The following ARHGAP15 variants were observed in gnomAD, a reference collection of about 807,000 sequenced individuals.
ARHGAP15 encodes the protein Rho GTPase activating protein 15.
ARHGAP15 carries 51 observed loss-of-function variants against 63.7 expected under a neutral mutation model. The observed-to-expected ratio is 0.80, with a 90% CI of 0.64 to 1.01. ARHGAP15 has a LOEUF of 1.01. Among genes scored for constraint, ARHGAP15 ranks in the 50% least tolerant of loss-of-function variants. The pLI, the probability that ARHGAP15 is intolerant of heterozygous loss-of-function variation, is 0.00. For missense variants in ARHGAP15, 560 were observed against 564.6 expected (o/e 0.99, Z 0.08); for synonymous variants, 191 against 193.8 (o/e 0.99, Z 0.12).
intron 13 of ARHGAP15, among the ~76,000 whole-genome samples, chr2:143,758,554 G>C (rs1229280399): frequency 6.6e-6 from 1 of 152,066 alleles, no homozygotes; most frequent in Non-Finnish European, 1.5e-5. Flanking sequence ...ATTCACAGGA[G>C]AGGAAACACA....
At chr2:143,292,003 A>G (rs1682423949) in intron 6 of ARHGAP15, among the ~76,000 whole-genome samples, 1 of 152,156 alleles carries the variant, frequency 6.6e-6, no homozygotes, top group Non-Finnish European at 1.5e-5. Context: ...TTGAAAAGCC[A>G]TAACTACCTC....
intron 5 of ARHGAP15, among the ~76,000 whole-genome samples, chr2:143,241,745 G>T (rs1211973461): frequency 2.0e-5 from 3 of 152,142 alleles, no homozygotes; most frequent in Non-Finnish European, 4.4e-5. Flanking sequence ...CAGCATCAGT[G>T]GTCTCAATCC....
intron 8 of ARHGAP15, among the ~76,000 whole-genome samples, chr2:143,439,766 T>A (rs549311443): frequency 6.6e-6 from 1 of 152,146 alleles, no homozygotes; most frequent in African/African-American, 2.4e-5. Flanking sequence ...CCTGTACTTT[T>A]AATCATTACA....
At chr2:143,446,079 T>A (rs563612075) in intron 8 of ARHGAP15, among the ~76,000 whole-genome samples, 2 of 151,106 alleles carry the variant, frequency 1.3e-5, no homozygotes, top group African/African-American at 2.4e-5. Context: ...CTCCAAGATA[T>A]ACAGCCATAT....
At chr2:143,250,390 A>G (rs183658534) in intron 5 of ARHGAP15, 121 bp from the exon 6 acceptor site, 4 of 643,826 alleles carry the variant, frequency 6.2e-6, no homozygotes, top group Admixed American at 3.6e-5. Flanking sequence ...TCCCCTGGGG[A>G]AAACAAAAAA....
chr2:143,716,670 C>G (rs2105452821), intron 13 of ARHGAP15, among the ~76,000 whole-genome samples: 1 of 152,288 alleles, frequency 6.6e-6, no homozygotes, highest in Non-Finnish European at 1.5e-5. Context: ...AGAAAAAAAT[C>G]AAGCAGACCT....
chr2:143,661,841 C>A (rs976394952), intron 12 of ARHGAP15, among the ~76,000 whole-genome samples: 1 of 152,152 alleles, frequency 6.6e-6, no homozygotes, highest in Non-Finnish European at 1.5e-5. Context: ...CACTCCCACC[C>A]GAATATTACG....
intron 2 of ARHGAP15, among the ~76,000 whole-genome samples, chr2:143,181,794 T>G (rs1280002493): frequency 6.6e-6 from 1 of 152,220 alleles, no homozygotes; most frequent in Non-Finnish European, 1.5e-5. Flanking sequence ...TACTTTCTTA[T>G]CATTCCTGTG....
chr2:143,210,306 C>G (rs1692515817), intron 3 of ARHGAP15, among the ~76,000 whole-genome samples: 1 of 151,270 alleles, frequency 6.6e-6, no homozygotes, highest in Non-Finnish European at 1.5e-5. Flanking sequence ...CAGCCTGTTT[C>G]CCAAACAGAA....
intron 9 of ARHGAP15, among the ~76,000 whole-genome samples, chr2:143,517,965 C>A (rs943375006): frequency 6.6e-6 from 1 of 152,104 alleles, no homozygotes; most frequent in Non-Finnish European, 1.5e-5. Flanking sequence ...TTATGTAATA[C>A]CTTATAAGTT....
chr2:143,338,665 T>C (rs17229439), intron 6 of ARHGAP15, among the ~76,000 whole-genome samples: 26,490 of 152,086 alleles, frequency 0.17, 3,025 homozygotes, highest in Non-Finnish European at 0.25. Flanking sequence ...TAGCTTTTTC[T>C]TGCAAACTCT....
intron 2 of ARHGAP15, among the ~76,000 whole-genome samples, chr2:143,158,820 G>A (rs1178452799): frequency 1.3e-5 from 2 of 151,942 alleles, no homozygotes; most frequent in Non-Finnish European, 2.9e-5. Context: ...ATAGATGGGG[G>A]CAAGTGAACT....
At chr2:143,704,738 T>G (rs895989217) in intron 13 of ARHGAP15, among the ~76,000 whole-genome samples, 2 of 152,200 alleles carry the variant, frequency 1.3e-5, no homozygotes, top group African/African-American at 4.8e-5. Flanking sequence ...ATTGAGCAGT[T>G]TTGCTTTTGT....
At chr2:143,296,654 A>G (rs1164195573) in intron 6 of ARHGAP15, among the ~76,000 whole-genome samples, 1 of 151,982 alleles carries the variant, frequency 6.6e-6, no homozygotes, top group Non-Finnish European at 1.5e-5. Flanking sequence ...TACCTTTTTT[A>G]GAAACTCGAT....
intron 6 of ARHGAP15, among the ~76,000 whole-genome samples, chr2:143,330,122 A>AAAAAAACAAC (rs1684466790): frequency 1.2e-5 from 1 of 81,390 alleles, no homozygotes; most frequent in Non-Finnish European, 2.6e-5. Context: ...AAAAAAAAAA[A>AAAAAAACAAC]AAAAAAAAAC....
At chr2:143,662,191 G>C (rs1681846343) in intron 12 of ARHGAP15, among the ~76,000 whole-genome samples, 1 of 152,104 alleles carries the variant, frequency 6.6e-6, no homozygotes, top group Admixed American at 6.5e-5. Flanking sequence ...AGAGAGCAGT[G>C]GTTCTCCCAG....
intron 9 of ARHGAP15, among the ~76,000 whole-genome samples, chr2:143,514,075 A>G (rs967975514): frequency 6.6e-6 from 1 of 152,108 alleles, no homozygotes; most frequent in Non-Finnish European, 1.5e-5. Flanking sequence ...ATAAACCCTC[A>G]CTATTTTTTT....
intron 6 of ARHGAP15, among the ~76,000 whole-genome samples, chr2:143,266,285 A>G (rs1041982798): frequency 3.3e-5 from 5 of 152,162 alleles, no homozygotes; most frequent in African/African-American, 1.2e-4. Flanking sequence ...TCTAAAGTCA[A>G]GCAAAATTAA....
intron 13 of ARHGAP15, among the ~76,000 whole-genome samples, chr2:143,747,131 G>A (rs1222637177): frequency 6.6e-6 from 1 of 152,024 alleles, no homozygotes. Flanking sequence ...CCTAATGCAT[G>A]CAGGGCTTAA....
Sources: allele counts gnomAD v4.1 joint callset (sites outside exome capture counted in the v4.1 genomes callset), GRCh38; gene constraint gnomAD v4.1.1; transcripts MANE v1.5; gene names NCBI Gene and HGNC (gene_info 2026-07-23, HGNC 2026-07-21).